The following RERG variants were observed in gnomAD, a reference collection of about 807,000 sequenced individuals.
The protein encoded by RERG is RAS like estrogen regulated growth inhibitor, also known as ras-related and estrogen-regulated growth inhibitor.
RERG carries 25 observed loss-of-function variants against 23.2 expected under a neutral mutation model. The ratio of observed to expected loss-of-function variants is 1.08; its 90% CI spans 0.79 to 1.50. The LOEUF is 1.50. RERG is among the 40% of genes most tolerant of loss of function. The pLI is 0.00. For missense variants in RERG, 253 were observed against 250.1 expected (o/e 1.01, Z -0.08); for synonymous variants, 81 against 89.1 (o/e 0.91, Z 0.51).
chr12:15,168,383 C>A (rs918539272), intron 2 of RERG, among the ~76,000 whole-genome samples: 2 of 152,116 alleles, frequency 1.3e-5, no homozygotes, highest in African/African-American at 4.8e-5. Context: ...GGTTCCAGGA[C>A]CTTGAGGAAA....
At chr12:15,187,122 C>T (rs1020689838) in intron 2 of RERG, among the ~76,000 whole-genome samples, 3 of 152,072 alleles carry the variant, frequency 2.0e-5, no homozygotes, top group East Asian at 3.9e-4. Flanking sequence ...CTGGAAGTTA[C>T]GACCAAGATA....
intron 2 of RERG, among the ~76,000 whole-genome samples, chr12:15,198,420 A>G (rs568159153): frequency 6.6e-6 from 1 of 152,212 alleles, no homozygotes; most frequent in South Asian, 2.1e-4. Context: ...TGAGTTTCCA[A>G]ATGCTATTTT....
intron 2 of RERG, among the ~76,000 whole-genome samples, chr12:15,163,058 T>A (rs1864636733): frequency 6.6e-6 from 1 of 152,198 alleles, no homozygotes; most frequent in Non-Finnish European, 1.5e-5. Flanking sequence ...CCGGTTGTGT[T>A]AACGAGGATC....
At chr12:15,176,938 T>C (rs1038668452) in intron 2 of RERG, among the ~76,000 whole-genome samples, 14 of 152,162 alleles carry the variant, frequency 9.2e-5, no homozygotes, top group African/African-American at 3.4e-4. Context: ...ATTTTAAATA[T>C]CAAGAATACA....
Position 15,193,961 on chromosome 12 carries a change from A to G in RERG, c.61+23468T>C, listed in dbSNP as rs138595633. 1.7e-3 allele frequency among the ~76,000 whole-genome samples: 254 copies of G among 152,212 alleles called. 10 individuals are homozygous for G. The highest frequency in any genetic ancestry group is 5.9e-3 in the African/African-American group (247 of 41,552). On this transcript the variant is annotated intron_variant, in intron 2 of 4. Coordinates refer to ENST00000256953, the MANE Select transcript of RERG (RefSeq NM_032918.3). ...GGTGAAAAGAGGCTTGCTTCTTTTT[A>G]TTCTTACTTTCCCATCCCTCCCTCC...
chr12:15,203,708 T>G (rs1169868670), intron 2 of RERG, among the ~76,000 whole-genome samples: 4 of 151,616 alleles, frequency 2.6e-5, no homozygotes, highest in African/African-American at 9.7e-5. Context: ...AATAAATGAA[T>G]TCAGTAAAGC....
chr12:15,122,737 T>C lies in RERG; in HGVS notation c.62-1618A>G, dbSNP rs761060303. 3.3e-5 allele frequency among the ~76,000 whole-genome samples: 5 copies of C among 152,002 alleles called. No individual in the cohort carries two copies. In the East Asian group the frequency reaches 7.7e-4, roughly 23 times the overall value. On this transcript the variant is annotated intron_variant, in intron 2 of 4. Coordinates refer to ENST00000256953, the MANE Select transcript of RERG (RefSeq NM_032918.3). ...ACAATTAGCAACATTAATAAACACCTAACAGCTTGCACGATTTAAAGAGTT... is the reference window on the plus strand; with the variant it reads ...ACAATTAGCAACATTAATAAACACCCAACAGCTTGCACGATTTAAAGAGTT...
At chr12:15,206,166 C>A (rs1484320417) in intron 2 of RERG, among the ~76,000 whole-genome samples, 1 of 152,072 alleles carries the variant, frequency 6.6e-6, no homozygotes, top group African/African-American at 2.4e-5. Context: ...AAAGTTCATC[C>A]TGTCACAATT....
At chr12:15,132,980 C>A in intron 2 of RERG, among the ~76,000 whole-genome samples, 1 of 148,280 alleles carries the variant, frequency 6.7e-6, no homozygotes, top group Non-Finnish European at 1.5e-5. Context: ...CCTCCCTGCC[C>A]CCGCCCTGCC....
chr12:15,149,590 A>T (rs1191163018), intron 2 of RERG, among the ~76,000 whole-genome samples: 1 of 152,154 alleles, frequency 6.6e-6, no homozygotes, highest in Non-Finnish European at 1.5e-5. Flanking sequence ...GAAAAGTGCT[A>T]CTTCTATAGA....
rs1863554007 is a variant in RERG at position 15,109,211 on chromosome 12, C to G, written c.499G>C (p.Val167Leu). 3.1e-6 allele frequency: 5 copies of G among 1,613,740 alleles called. No individual in the cohort carries two copies. The African/African-American group carries it at 4.0e-5, about 13-fold the overall frequency. ...TEIFYELCRE[V>L]RRRRMVQGKT... The stretch of plus-strand genomic sequence containing the variant: ...CCCTGCACCATCCTCCGGCGACGCA[C>G]CTCTCGACACAATTCATAGAATATC... The change falls in exon 5 of 5, where the codon GTG (valine) becomes CTG (leucine). Residue 167 changes from valine to leucine, a missense_variant. By Grantham distance (32) the Val-to-Leu change is conservative. Coordinates refer to ENST00000256953, the MANE Select transcript of RERG (RefSeq NM_032918.3).
At chr12:15,220,573 C>T (rs1865499405) in intron 1 of RERG, among the ~76,000 whole-genome samples, 1 of 152,106 alleles carries the variant, frequency 6.6e-6, no homozygotes, top group South Asian at 2.1e-4. Flanking sequence ...ATAAATCATT[C>T]TCAAGGCTAT....
At chr12:15,175,142 G>A (rs1474146639) in intron 2 of RERG, among the ~76,000 whole-genome samples, 1 of 151,072 alleles carries the variant, frequency 6.6e-6, no homozygotes, top group African/African-American at 2.4e-5. Flanking sequence ...GAGAAAGGTT[G>A]CTATCATTTT....
intron 2 of RERG, among the ~76,000 whole-genome samples, chr12:15,201,508 G>A (rs1460367737): frequency 1.3e-5 from 2 of 150,852 alleles, no homozygotes; most frequent in African/African-American, 2.4e-5. Flanking sequence ...CTGGCTTATG[G>A]TAAATGATAT....
At chr12:15,220,676 G>A (rs1865500507) in intron 1 of RERG, among the ~76,000 whole-genome samples, 1 of 152,078 alleles carries the variant, frequency 6.6e-6, no homozygotes, top group South Asian at 2.1e-4. Context: ...CTGTTTGCAT[G>A]CGCTCATCAA....
chr12:15,183,273 A>G (rs1053808676), intron 2 of RERG, among the ~76,000 whole-genome samples: 1 of 152,142 alleles, frequency 6.6e-6, no homozygotes, highest in Non-Finnish European at 1.5e-5. Context: ...TATCATTTAA[A>G]TTTCAACACA....
At chr12:15,186,234 T>G (rs536063779) in intron 2 of RERG, among the ~76,000 whole-genome samples, 94 of 151,634 alleles carry the variant, frequency 6.2e-4, no homozygotes, top group Admixed American at 1.4e-3. Flanking sequence ...AAAAATACAT[T>G]ATATTTTATA....
At chr12:15,220,671 T>G (rs777034941) in intron 1 of RERG, among the ~76,000 whole-genome samples, 1 of 152,168 alleles carries the variant, frequency 6.6e-6, no homozygotes, top group Non-Finnish European at 1.5e-5. Context: ...AACTTCTGTT[T>G]GCATGCGCTC....
Position 15,108,978 on chromosome 12 carries a change from G to A in RERG, c.*132C>T, listed in dbSNP as rs1863548190. On this transcript the variant is annotated 3_prime_UTR_variant, in exon 5 of 5. Transcript: ENST00000256953. ...CGCTAAAACTTCCCAACCTATTAGA[G>A]GCCAGAAACAATGGGAAGCCCAGAC... 2.1e-6 allele frequency: 2 copies of A among 943,698 alleles called. No homozygotes were observed. The highest frequency in any genetic ancestry group is 1.6e-5 in the African/African-American group (1 of 60,788). The allele number at this position is 943,698 out of a possible 1,614,324, so 58.5% of individuals were successfully genotyped here. A position where few individuals can be genotyped will look rare whatever the true frequency, so the allele number is the denominator to read the frequency against.
Sources: gnomAD v4.1 joint callset for allele counts (sites outside exome capture counted in the v4.1 genomes callset) on GRCh38, gnomAD v4.1.1 for gene constraint, MANE v1.5 for transcripts, NCBI Gene and HGNC (gene_info 2026-07-23, HGNC 2026-07-21) for gene names.